The following TRPV4 variants were observed in gnomAD, a reference collection of about 807,000 sequenced individuals.
The protein encoded by TRPV4 is OSM9-like transient receptor potential channel 4.
Under a neutral mutation model 84.1 loss-of-function variants are expected in TRPV4, and 58 were observed. That is an observed-to-expected ratio of 0.69 (90% CI 0.56 to 0.86). The LOEUF (loss-of-function observed/expected upper bound fraction) is 0.86, where lower values mean the gene tolerates loss of function less well. Ranked by LOEUF, TRPV4 falls within the 40% of genes least tolerant of loss-of-function variation. TRPV4 has a pLI of 0.00. For missense variants in TRPV4, 879 were observed against 1,181.1 expected (o/e 0.74, Z 3.75); for synonymous variants, 489 against 500.9 (o/e 0.98, Z 0.32).
chr12:109,783,466 G>C lies in TRPV4; in HGVS notation c.*155C>G, dbSNP rs1397224878. 7.7e-6 allele frequency: 8 copies of C among 1,037,902 alleles called. No individual in the cohort carries two copies. In the East Asian group the frequency reaches 2.1e-4, roughly 28 times the overall value. The allele number at this position is 1,037,902 out of a possible 1,614,324, so 64.3% of individuals were successfully genotyped here. On this transcript the variant is annotated 3_prime_UTR_variant, in exon 16 of 16. Coordinates refer to ENST00000261740, the MANE Select transcript of TRPV4 (RefSeq NM_021625.5). The surrounding 1 kb of genome is among the most constrained non-coding windows in gnomAD (Gnocchi z 4.6). ...ACCCCAGGGTGGGGAGGCAGAGCCA[G>C]GGGACCACAGGGTCCTGGGGCCTCC...
At chr12:109,803,245 G>T in intron 3 of TRPV4, 102 bp from the exon 4 acceptor site, 1 of 1,364,374 alleles carries the variant, frequency 7.3e-7, no homozygotes, top group Non-Finnish European at 1.0e-6. Flanking sequence ...AGATGTCCTG[G>T]CTGTCAACAT....
chr12:109,826,287 G>A (rs1342467082), intron 1 of TRPV4, among the ~76,000 whole-genome samples: 2 of 152,240 alleles, frequency 1.3e-5, no homozygotes, highest in African/African-American at 2.4e-5. Flanking sequence ...GCCTCCCAAA[G>A]TGTTGTGATT....
At chr12:109,810,281 T>G (rs1444283300) in intron 2 of TRPV4, among the ~76,000 whole-genome samples, 2 of 152,212 alleles carry the variant, frequency 1.3e-5, no homozygotes, top group African/African-American at 4.8e-5. Context: ...AAGACTCTGT[T>G]CAATGAATAA....
intron 10 of TRPV4, 131 bp from the exon 11 acceptor site, chr12:109,792,948 A>C: frequency 2.3e-6 from 2 of 872,782 alleles, no homozygotes; most frequent in South Asian, 3.2e-5. Context: ...CCCAGAAAAG[A>C]AACAAAGTGG....
intron 4 of TRPV4, among the ~76,000 whole-genome samples, chr12:109,802,260 G>C (rs369132749): frequency 3.5e-4 from 53 of 151,420 alleles, no homozygotes; most frequent in African/African-American, 1.3e-3. Flanking sequence ...CTCCCAAGTA[G>C]CTGGGACTAC....
intron 2 of TRPV4, among the ~76,000 whole-genome samples, chr12:109,812,721 T>G (rs1891596254): frequency 6.6e-6 from 1 of 152,078 alleles, no homozygotes; most frequent in African/African-American, 2.4e-5. Flanking sequence ...AATAAATGAA[T>G]GAATGATGAA....
intron 14 of TRPV4, among the ~76,000 whole-genome samples, chr12:109,785,972 C>A (rs1889660782): frequency 6.6e-6 from 1 of 152,010 alleles, no homozygotes; most frequent in Non-Finnish European, 1.5e-5. Flanking sequence ...ATGATCACAC[C>A]ACTGCACTCC....
At chr12:109,795,932 T>A (rs1050843904) in intron 7 of TRPV4, among the ~76,000 whole-genome samples, 5 of 151,312 alleles carry the variant, frequency 3.3e-5, no homozygotes, top group Non-Finnish European at 5.9e-5. Context: ...TTTTATTATT[T>A]TTTTTTGGTA....
At chr12:109,827,663 CACAT>C (rs925062020) in intron 1 of TRPV4, among the ~76,000 whole-genome samples, 21 of 151,998 alleles carry the variant, frequency 1.4e-4, no homozygotes, top group Non-Finnish European at 2.5e-4. Context: ...AACATACACA[CACAT>C]ACACACATGC....
chr12:109,784,225 C>T, intron 15 of TRPV4, 91 bp downstream of exon 15: 10 of 1,584,328 alleles, frequency 6.3e-6, no homozygotes, highest in Admixed American at 5.0e-5. Flanking sequence ...TAGACACGGA[C>T]ACTGAGTCCC....
In TRPV4 at chr12:109,798,839, G is replaced by A. The variant is rs1890593186; in HGVS notation, c.927C>T (p.His309=). Residue 309 remains histidine (H), a synonymous_variant, in exon 6 of 16, where the codon CAC becomes CAT. Coordinates refer to ENST00000261740, the MANE Select transcript of TRPV4 (RefSeq NM_021625.5). This position sits in a 1 kb window ranked among gnomAD's most constrained non-coding sequence, Gnocchi z 5.0. ...CCTGGCGCCGCATGTCCGCCTTCTT[G>A]TGGGGGTTCTCCGTCAGGTAGTTGA... The part of the protein sequence containing the change: ...HIVNYLTENP[H]KKADMRRQDS... 7 of 1,614,144 alleles carry A rather than the reference G, an allele frequency of 4.3e-6. No homozygotes were observed. The highest frequency in any genetic ancestry group is 5.9e-6 in the Non-Finnish European group (7 of 1,180,044).
chr12:109,823,047 G>A (rs1001454565), intron 1 of TRPV4, among the ~76,000 whole-genome samples: 1 of 152,172 alleles, frequency 6.6e-6, no homozygotes, highest in African/African-American at 2.4e-5. Context: ...TCGAAGTGGC[G>A]GCTGCTGGGA....
chr12:109,823,416 G>A (rs1441981045), intron 1 of TRPV4, among the ~76,000 whole-genome samples: 1 of 152,230 alleles, frequency 6.6e-6, no homozygotes, highest in African/African-American at 2.4e-5. Flanking sequence ...TGGCTGGAGG[G>A]AGGCCGGCTG....
In TRPV4 at chr12:109,794,399, T is replaced by A. The variant is rs150461804; in HGVS notation, c.1421A>T (p.Asn474Ile). 1 of 1,613,908 alleles carries A rather than the reference T, an allele frequency of 6.2e-7. No individual in the cohort carries two copies. The part of the protein sequence containing the change: ...RKFGAVSFYI[N>I]VVSYLCAMVI... ...CATGGCACACAGGTAGGAGACCACG[T>A]TGATGTAGAAGGAGACGGCCCCGAA... The change falls in exon 8 of 16, where the codon AAC becomes ATC. Residue 474 changes from asparagine (N) to isoleucine (I), a missense_variant. Coordinates refer to ENST00000261740, the MANE Select transcript of TRPV4 (RefSeq NM_021625.5).
intron 13 of TRPV4, among the ~76,000 whole-genome samples, chr12:109,787,540 G>T (rs1490994081): frequency 6.6e-6 from 1 of 152,180 alleles, no homozygotes; most frequent in African/African-American, 2.4e-5. Context: ...GGAGGCAGAG[G>T]TTGCAGTGAG....
intron 3 of TRPV4, among the ~76,000 whole-genome samples, chr12:109,803,656 A>C (rs2136565879): frequency 6.7e-6 from 1 of 150,230 alleles, no homozygotes. Flanking sequence ...AAGGGATCTC[A>C]CTCTGTTACC....
At chr12:109,826,125 G>A (rs1366432197) in intron 1 of TRPV4, among the ~76,000 whole-genome samples, 1 of 152,168 alleles carries the variant, frequency 6.6e-6, no homozygotes, top group Non-Finnish European at 1.5e-5. Context: ...CCAGGCTCAA[G>A]CAATCCTCCC....
At chr12:109,808,272 GC>G (rs777249205) in intron 3 of TRPV4, 23 bp downstream of exon 3, 1 of 1,613,570 alleles carries the variant, frequency 6.2e-7, no homozygotes, top group Non-Finnish European at 8.5e-7. Flanking sequence ...TGTCCCACTG[GC>G]TATGCCCATC....
rs906585332 is a variant in TRPV4, at chr12:109,786,055, T to C, written c.2336+655A>G. Among the ~76,000 whole-genome samples the C allele has an allele frequency of 4.0e-5, 6 of 151,816 alleles. No individual in the cohort carries two copies. Among genetic ancestry groups the C allele is most frequent in the African/African-American group, 1.4e-4 (6 of 41,400 alleles). On this transcript the variant is annotated intron_variant, in intron 14 of 15. Transcript: ENST00000261740. This position sits in a 1 kb window ranked among gnomAD's most constrained non-coding sequence, Gnocchi z 4.5. ...CTGATCGGATGGCCTAGGAGGTGGG[T>C]TCTATTATTGTTCCCATTTCACAGA...
Sources: allele counts gnomAD v4.1 joint callset (sites outside exome capture counted in the v4.1 genomes callset), GRCh38; gene constraint gnomAD v4.1.1; non-coding constraint Gnocchi (gnomAD v3.1); transcripts MANE v1.5; gene names NCBI Gene and HGNC (gene_info 2026-07-23, HGNC 2026-07-21).